The following VEGFA variants were observed in gnomAD, a reference collection of about 807,000 sequenced individuals.
VEGFA encodes the protein vascular endothelial growth factor A.
A neutral mutation model predicts 49.7 loss-of-function variants in VEGFA; 20 were observed. The ratio of observed to expected loss-of-function variants is 0.40; its 90% CI spans 0.28 to 0.58. The LOEUF is 0.58. VEGFA is among the 20% of genes least tolerant of loss of function. The probability of loss-of-function intolerance (pLI) is 0.40; values close to 1 mark genes in which losing one functional copy is unlikely to be tolerated. For synonymous variants in VEGFA, 219 were observed against 223.4 expected (o/e 0.98, Z 0.18); for missense variants, 505 against 553.5 (o/e 0.91, Z 0.88).
intron 5 of VEGFA, 73 bp from the exon 6 acceptor site, chr6:43,780,659 G>GC: frequency 7.1e-6 from 11 of 1,539,508 alleles, no homozygotes; most frequent in Non-Finnish European, 9.8e-6. Flanking sequence ...CCCCATCCCT[G>GC]CCCACCTTAC....
In VEGFA at chr6:43,771,184, C is replaced by T; in HGVS notation, c.478C>T (p.Pro160Ser). 1 of 1,591,804 alleles carries T rather than the reference C, an allele frequency of 6.3e-7. No homozygotes were observed. The highest frequency in any genetic ancestry group is 8.5e-7 in the Non-Finnish European group (1 of 1,172,214). ...CCGAGGCGCCGAGGAGAGCGGGCCG[C>T]CCCACAGCCCGAGCCGGAGAGGGAG... is the stretch of plus-strand genomic sequence containing the variant. The change falls in exon 1 of 8, where the codon CCC (proline) becomes TCC (serine). Residue 160 changes from proline to serine, a missense_variant. Pro to Ser is a moderately conservative substitution (Grantham distance 74, BLOSUM62 -1). This residue lies in a region of VEGFA where 340 missense variants were observed against 321.8 expected (regional missense o/e 1.06). Coordinates refer to ENST00000672860, the MANE Select transcript of VEGFA (RefSeq NM_003376.6).
intron 1 of VEGFA, chr6:43,772,133 C>A: frequency 1.1e-6 from 1 of 937,036 alleles, no homozygotes; most frequent in Non-Finnish European, 1.3e-6. Flanking sequence ...AGAGAACCAT[C>A]CCTACCCCTT....
chr6:43,778,132 G>C (rs1766077651), intron 3 of VEGFA: 1 of 496,970 alleles, frequency 2.0e-6, no homozygotes, highest in African/African-American at 1.9e-5. Flanking sequence ...TATCTACTAG[G>C]AGTCAGGGTG....
chr6:43,781,085 C>G, intron 6 of VEGFA: 1 of 674,530 alleles, frequency 1.5e-6, no homozygotes, highest in Non-Finnish European at 2.5e-6. Flanking sequence ...CCGATTTTCT[C>G]TCACCCACTG....
Position 43,777,058 on chromosome 6 carries a change from G to A in VEGFA, c.659-411G>A, listed in dbSNP as rs1035653580. The A allele has an allele frequency of 7.1e-5, 25 of 350,600 alleles. No individual in the cohort carries two copies. The highest frequency in any genetic ancestry group is 1.2e-4 in the Non-Finnish European group (22 of 178,788). The allele number at this position is 350,600 out of a possible 1,614,324, so 21.7% of individuals were successfully genotyped here. Reference sequence around the variant, plus strand: ...TTATGGTAGTGGTTGTGGGGAGGACGTAGGAAACTGGAGACTAGCTTGGCA... The same window carrying A: ...TTATGGTAGTGGTTGTGGGGAGGACATAGGAAACTGGAGACTAGCTTGGCA... On this transcript the variant is annotated intron_variant, in intron 2 of 7. Coordinates refer to ENST00000672860, the MANE Select transcript of VEGFA (RefSeq NM_003376.6). This position sits in a 1 kb window ranked among gnomAD's most constrained non-coding sequence, Gnocchi z 4.3.
At position 43,784,451 on chromosome 6, in the gene VEGFA, G is replaced by C. The variant is rs1769053836; in HGVS notation, c.1167-90G>C. 7 of 1,332,828 alleles carry C rather than the reference G, an allele frequency of 5.3e-6. No individual in the cohort carries two copies. The South Asian group carries it at 5.8e-5, about 11-fold the overall frequency. 82.6% of individuals were successfully genotyped at this position (1,332,828 alleles called of 1,614,324 possible). On this transcript the variant is annotated intron_variant, in intron 7 of 7. Coordinates refer to ENST00000672860, the MANE Select transcript of VEGFA (RefSeq NM_003376.6). ...TGGTGCCGGAGGCTGCAGTGACCCAGGGGCCCCCAGGAATGGGGAGGCCGC... is the reference window on the plus strand; with the variant it reads ...TGGTGCCGGAGGCTGCAGTGACCCACGGGCCCCCAGGAATGGGGAGGCCGC...
chr6:43,779,852 G>A, intron 5 of VEGFA: 1 of 391,408 alleles, frequency 2.6e-6, no homozygotes, highest in Non-Finnish European at 5.3e-6. Context: ...GGCAGGCATG[G>A]AGAGCTCTGG....
In VEGFA at chr6:43,780,654, T is replaced by C. The variant is rs1767237989; in HGVS notation, c.963-78T>C. 3 of 1,440,248 alleles carry C rather than the reference T, an allele frequency of 2.1e-6. No individual in the cohort carries two copies. In the South Asian group the frequency reaches 3.4e-5, roughly 16 times the overall value. 89.2% of individuals were successfully genotyped at this position (1,440,248 alleles called of 1,614,324 possible). A position where few individuals can be genotyped will look rare whatever the true frequency, so the allele number is the denominator to read the frequency against. On this transcript the variant is annotated intron_variant, in intron 5 of 7. Coordinates refer to ENST00000672860, the MANE Select transcript of VEGFA (RefSeq NM_003376.6). ...TGGCTTTGCTTTGGTCGTTCCCCCA[T>C]CCCTGCCCACCTTACCACTTCTTTT...
chr6:43,778,287 T>C, intron 3 of VEGFA, 173 bp from the exon 4 acceptor site: 2 of 687,218 alleles, frequency 2.9e-6, no homozygotes, highest in South Asian at 3.1e-5. Context: ...TTGGGGGAGT[T>C]GGGGTGGGCC....
chr6:43,772,000 G>C (rs1763766658), intron 1 of VEGFA: 1 of 985,106 alleles, frequency 1.0e-6, no homozygotes, highest in African/African-American at 1.7e-5. Flanking sequence ...GGGCCTGGCC[G>C]GCCGCGTGTT....
intron 2 of VEGFA, chr6:43,774,732 G>A: frequency 2.2e-6 from 1 of 462,108 alleles, no homozygotes; most frequent in South Asian, 2.3e-5. Flanking sequence ...AGCTCCCAGG[G>A]GAGAGTGGAC....
At chr6:43,775,513 C>G (rs919710972) in intron 2 of VEGFA, 1 of 152,174 alleles carries the variant, frequency 6.6e-6, no homozygotes, top group African/African-American at 2.4e-5. Context: ...GGATTCATTC[C>G]AAGGGGAAGC....
In VEGFA at chr6:43,770,592, C is replaced by A; in HGVS notation, c.-115C>A. ...GAGAGACGGGGTCAGAGAGAGCGCG[C>A]GGGCGTGCGAGCAGCGAAAGCGACA... is the stretch of plus-strand genomic sequence containing the variant. On this transcript the variant is annotated 5_prime_UTR_variant, in exon 1 of 8. Transcript: ENST00000672860. 7.1e-7 allele frequency: 1 copy of A among 1,414,548 alleles called. No individual in the cohort carries two copies. Among genetic ancestry groups the A allele is most frequent in the Non-Finnish European group, 9.2e-7 (1 of 1,090,024 alleles). 87.6% of individuals were successfully genotyped at this position (1,414,548 alleles called of 1,614,324 possible).
At chr6:43,780,299 A>C in intron 5 of VEGFA, 1 of 277,816 alleles carries the variant, frequency 3.6e-6, no homozygotes, top group Non-Finnish European at 7.1e-6. Context: ...CCTTCTCCCC[A>C]AAGTCTGGCC....
At chr6:43,775,486 C>T (rs1765097576) in intron 2 of VEGFA, 1 of 152,214 alleles carries the variant, frequency 6.6e-6, no homozygotes, top group South Asian at 2.1e-4. Flanking sequence ...CCCGCCTCCA[C>T]CTCCCATGGG....
At chr6:43,774,723 G>C (rs1482253179) in intron 2 of VEGFA, 2 of 474,668 alleles carry the variant, frequency 4.2e-6, no homozygotes, top group Admixed American at 3.3e-5. Flanking sequence ...GTTTCCCCTA[G>C]CTCCCAGGGG....
At chr6:43,782,280 C>A in intron 7 of VEGFA, 193 bp downstream of exon 7, 3 of 845,150 alleles carry the variant, frequency 3.5e-6, no homozygotes, top group South Asian at 1.6e-5. Context: ...GGGCTGCAGG[C>A]ACTGGTCCAG....
At chr6:43,779,020 T>C in intron 5 of VEGFA, 102 bp downstream of exon 5, 3 of 1,487,820 alleles carry the variant, frequency 2.0e-6, no homozygotes, top group Non-Finnish European at 2.8e-6. Flanking sequence ...CCTCCCTGGG[T>C]CAGGGACTTG....
chr6:43,774,915 T>G, intron 2 of VEGFA: 1 of 166,640 alleles, frequency 6.0e-6, no homozygotes, highest in African/African-American at 2.4e-5. Flanking sequence ...TGCTGTGAAC[T>G]TCCCTCCCAG....
Sources: allele counts gnomAD v4.1 joint callset, GRCh38; gene constraint gnomAD v4.1.1; regional missense constraint gnomAD v4.1.1; non-coding constraint Gnocchi (gnomAD v3.1); transcripts MANE v1.5; gene names NCBI Gene and HGNC (gene_info 2026-07-23, HGNC 2026-07-21).